TNFSF11: variants seen among roughly 807,000 people sequenced by gnomAD.
The protein encoded by TNFSF11 is TNF superfamily member 11.
In TNFSF11, 12 loss-of-function variants were observed where a neutral mutation model predicts 32.2. That is an observed-to-expected ratio of 0.37 (90% CI 0.24 to 0.60). The LOEUF (loss-of-function observed/expected upper bound fraction) is 0.60. TNFSF11 is among the 20% of genes least tolerant of loss of function. The pLI is 0.66. For synonymous variants in TNFSF11, 172 were observed against 152.1 expected, an observed-to-expected ratio of 1.13 and a Z score of -0.96; for missense variants, 345 against 398.0, an observed-to-expected ratio of 0.87 and a Z score of 1.13.
chr13:42,577,754 T>A (rs1472678558), intron 1 of TNFSF11, among the ~76,000 whole-genome samples: 1 of 152,210 alleles, frequency 6.6e-6, no homozygotes, highest in African/African-American at 2.4e-5. Flanking sequence ...GTGCACTGCC[T>A]GTTTGAAAAC....
At chr13:42,603,628 AC>A (rs1869295869) in intron 4 of TNFSF11, among the ~76,000 whole-genome samples, 1 of 151,838 alleles carries the variant, frequency 6.6e-6, no homozygotes, top group Admixed American at 6.6e-5. Context: ...CCAAGGCCCC[AC>A]TGTCCTCTGG....
At position 42,574,565 on chromosome 13, in the gene TNFSF11, A is replaced by T. The variant is rs750811161; in HGVS notation, c.219+43A>T. The stretch of plus-strand genomic sequence containing the variant: ...CAGGGGATCGCGGCTGAGAGCGCCC[A>T]TCTCCTTCCCCCGCACTTGGAAACT... On this transcript the variant is annotated intron_variant, in intron 1 of 4. Coordinates refer to ENST00000398795, the MANE Select transcript of TNFSF11 (RefSeq NM_003701.4). 1.4e-5 allele frequency: 22 copies of T among 1,586,682 alleles called. No individual in the cohort carries two copies. The East Asian group carries it at 3.2e-4, about 23-fold the overall frequency.
rs374640353 is a variant in TNFSF11, at chr13:42,565,472, C to A, written c.-301-1149C>A. Reference sequence around the variant, plus strand: ...GGGGACAACAATTATCTATTTTATTCAGCATTATATCTCTTATGCCTACCA... The same window carrying A: ...GGGGACAACAATTATCTATTTTATTAAGCATTATATCTCTTATGCCTACCA... On this transcript the variant is annotated intron_variant, in intron 1 of 6. Coordinates refer to the TNFSF11 transcript ENST00000358545. Among the ~76,000 whole-genome samples the A allele has an allele frequency of 1.2e-4, 19 of 152,112 alleles. No individual in the cohort carries two copies. In the East Asian group the frequency reaches 3.7e-3, roughly 29 times the overall value.
chr13:42,563,080 A>G (rs1376008613), intron 1 of TNFSF11: 1 of 152,192 alleles, frequency 6.6e-6, no homozygotes, highest in Non-Finnish European at 1.5e-5. Context: ...GAGTACCATG[A>G]ATGAAAGAGT....
chr13:42,606,407 C>T, intron 4 of TNFSF11, 90 bp from the exon 5 acceptor site: 1 of 1,479,278 alleles, frequency 6.8e-7, no homozygotes, highest in Non-Finnish European at 9.4e-7. Flanking sequence ...GACTGCTATA[C>T]TATTTTTTCT....
chr13:42,572,620 A>T (rs1259165385), upstream of TNFSF11, among the ~76,000 whole-genome samples: 1 of 152,112 alleles, frequency 6.6e-6, no homozygotes. Context: ...TGAGTCTGAA[A>T]ATTTTTTGTC....
upstream of TNFSF11, among the ~76,000 whole-genome samples, chr13:42,572,848 T>C (rs567381334): frequency 2.0e-5 from 3 of 152,318 alleles, no homozygotes; most frequent in South Asian, 6.2e-4. Flanking sequence ...GAAATACTCA[T>C]TAGCGAATTA....
rs997625968 is a variant in TNFSF11, at chr13:42,599,075, C to T, written c.388-1677C>T. Reference sequence around the variant, plus strand: ...AGTGTAGTGCCCTGGGTCTAGGCAACAGCAGAAAGTGGCTTTGAGTGAGTC... The same window carrying T: ...AGTGTAGTGCCCTGGGTCTAGGCAATAGCAGAAAGTGGCTTTGAGTGAGTC... On this transcript the variant is annotated intron_variant, in intron 2 of 4. Transcript: ENST00000398795. 8.5e-5 allele frequency among the ~76,000 whole-genome samples: 13 copies of T among 152,286 alleles called. No individual in the cohort carries two copies. In the East Asian group the frequency reaches 1.4e-3, roughly 16 times the overall value.
At chr13:42,573,385 T>A (rs1873140337), upstream of TNFSF11, among the ~76,000 whole-genome samples, 1 of 152,242 alleles carries the variant, frequency 6.6e-6, no homozygotes, top group South Asian at 2.1e-4. Flanking sequence ...AATAGAGGTT[T>A]TTAAAAAGCC....
chr13:42,600,704 C>T lies in TNFSF11; in HGVS notation c.388-48C>T, dbSNP rs1178294589. ...ACAGCCCTGAATTCTTATTGCTTTA[C>T]AGAAAGAATGATTTTATAAATAAAA... On this transcript the variant is annotated intron_variant, in intron 2 of 4. Coordinates refer to ENST00000398795, the MANE Select transcript of TNFSF11 (RefSeq NM_003701.4). The T allele has an allele frequency of 2.6e-6, 4 of 1,548,822 alleles. No homozygotes were observed. In the Admixed American group the frequency reaches 7.3e-5, roughly 28 times the overall value.
Position 42,580,823 on chromosome 13 carries a change from T to G in TNFSF11, c.220-303T>G, listed in dbSNP as rs9533159. Among the ~76,000 whole-genome samples, 56,559 of 151,960 alleles carry G rather than the reference T, an allele frequency of 0.37. 11,405 individuals are homozygous for G. Among genetic ancestry groups the G allele is most frequent in the East Asian group, 0.45 (2,322 of 5,148 alleles). On this transcript the variant is annotated intron_variant, in intron 1 of 4. Coordinates refer to ENST00000398795, the MANE Select transcript of TNFSF11 (RefSeq NM_003701.4). Reference sequence around the variant, plus strand: ...TGGTGCCCCTCCCCTCTATGAACACTTTCATGTTGTTAGACAAGTTTGACA... The same window carrying G: ...TGGTGCCCCTCCCCTCTATGAACACGTTCATGTTGTTAGACAAGTTTGACA...
At position 42,607,257 on chromosome 13, in the gene TNFSF11, G is replaced by A. The variant is rs1301700001; in HGVS notation, c.*339G>A. ...TCATGTGCCCCTTCGCAGCTGAAGT[G>A]GAGAGGGTGTCATCTAGCGCAATTG... On this transcript the variant is annotated 3_prime_UTR_variant, in exon 5 of 5. Coordinates refer to ENST00000398795, the MANE Select transcript of TNFSF11 (RefSeq NM_003701.4). The A allele has an allele frequency of 4.2e-6, 1 of 240,238 alleles. No individual in the cohort carries two copies. The highest frequency in any genetic ancestry group is 8.1e-6 in the Non-Finnish European group (1 of 123,418). The allele number at this position is 240,238 out of a possible 1,614,324, so 14.9% of individuals were successfully genotyped here. A position where few individuals can be genotyped will look rare whatever the true frequency, so the allele number is the denominator to read the frequency against.
intron 1 of TNFSF11, among the ~76,000 whole-genome samples, chr13:42,579,144 G>A (rs1873464057): frequency 6.6e-6 from 1 of 152,068 alleles, no homozygotes; most frequent in Admixed American, 6.5e-5. Context: ...TGTAATCCCA[G>A]CACTTTGGGA....
At chr13:42,565,663 T>C (rs1872843459) in intron 1 of TNFSF11, among the ~76,000 whole-genome samples, 1 of 152,214 alleles carries the variant, frequency 6.6e-6, no homozygotes. Context: ...CAGTGATGGA[T>C]GTTGAGGCTA....
intron 2 of TNFSF11, among the ~76,000 whole-genome samples, chr13:42,595,592 G>A (rs988219447): frequency 2.6e-5 from 4 of 152,146 alleles, no homozygotes; most frequent in Admixed American, 6.5e-5. Context: ...CAGGCTGTTC[G>A]CTGAGAGGTT....
Position 42,581,306 on chromosome 13 carries a change from C to A in TNFSF11, c.387+13C>A. On this transcript the variant is annotated intron_variant, in intron 2 of 4. Coordinates refer to ENST00000398795, the MANE Select transcript of TNFSF11 (RefSeq NM_003701.4). ...AGCTGTGCAAAAGGTAAGTCCACATCGAGGCTGATAAGTCAAGGGCCCTTG... is the reference window on the plus strand; with the variant it reads ...AGCTGTGCAAAAGGTAAGTCCACATAGAGGCTGATAAGTCAAGGGCCCTTG... The A allele has an allele frequency of 2.5e-6, 4 of 1,613,874 alleles. No individual in the cohort carries two copies. Among genetic ancestry groups the A allele is most frequent in the Non-Finnish European group, 1.7e-6 (2 of 1,179,848 alleles).
intron 1 of TNFSF11, among the ~76,000 whole-genome samples, chr13:42,578,739 G>C (rs1419779156): frequency 6.6e-6 from 1 of 152,118 alleles, no homozygotes; most frequent in Non-Finnish European, 1.5e-5. Context: ...GGGTGGGGTA[G>C]GAATGAGATG....
At chr13:42,575,796 T>G (rs567876213) in intron 1 of TNFSF11, among the ~76,000 whole-genome samples, 27 of 152,354 alleles carry the variant, frequency 1.8e-4, no homozygotes, top group South Asian at 8.3e-4. Flanking sequence ...AAGACAACTT[T>G]TGAGTGGTTT....
intron 2 of TNFSF11, among the ~76,000 whole-genome samples, chr13:42,593,210 A>G (rs757637191): frequency 1.3e-5 from 2 of 152,348 alleles, no homozygotes; most frequent in Middle Eastern, 3.4e-3. Flanking sequence ...GGGAAATTCC[A>G]AAGGCTTTAG....
Sources: allele counts gnomAD v4.1 joint callset (sites outside exome capture counted in the v4.1 genomes callset), GRCh38; gene constraint gnomAD v4.1.1; transcripts MANE v1.5; gene names NCBI Gene and HGNC (gene_info 2026-07-23, HGNC 2026-07-21).